The following DST variants were observed in gnomAD, a reference collection of about 807,000 sequenced individuals.
DST encodes bullous pemphigoid antigen.
In DST, 253 loss-of-function variants were observed where a neutral mutation model predicts 875.2. The ratio of observed to expected loss-of-function variants is 0.29; its 90% CI spans 0.26 to 0.32. The LOEUF (loss-of-function observed/expected upper bound fraction) is 0.32, where lower values mean the gene tolerates loss of function less well. Ranked by LOEUF, DST falls within the 10% of genes least tolerant of loss-of-function variation. The probability of loss-of-function intolerance (pLI) is 1.00; values close to 1 mark genes in which losing one functional copy is unlikely to be tolerated. For synonymous variants in DST, 3,124 were observed against 3,197.1 expected (o/e 0.98, Z 0.77); for missense variants, 8,287 against 9,111.6 (o/e 0.91, Z 3.68).
chr6:56,769,298 G>A (rs972643015), intron 4 of DST, among the ~76,000 whole-genome samples: 1 of 152,142 alleles, frequency 6.6e-6, no homozygotes, highest in East Asian at 1.9e-4. Context: ...AACACCAGAC[G>A]CTGGCAAGGA....
intron 3 of DST, among the ~76,000 whole-genome samples, chr6:56,882,290 C>T (rs565311064): frequency 6.6e-6 from 1 of 152,226 alleles, no homozygotes; most frequent in Non-Finnish European, 1.5e-5. Flanking sequence ...TGTAAGGACC[C>T]CATTGCTTCT....
rs878939937 is a variant in DST, at chr6:56,642,058, G to C, written c.1916C>G (p.Ala639Gly). 6.2e-7 allele frequency: 1 copy of C among 1,612,582 alleles called. No homozygotes were observed. The highest frequency in any genetic ancestry group is 1.1e-5 in the South Asian group (1 of 91,036). Reference sequence around the variant, plus strand: ...TTCAAGTATATACCCAGCAATTTCTGCTTCATTCTGAAACTGCACTCCTGA... The same window carrying C: ...TTCAAGTATATACCCAGCAATTTCTCCTTCATTCTGAAACTGCACTCCTGA... ...LESGVQFQNE[A>G]EIAGYILECE... The change falls in exon 17 of 104, where the codon GCA becomes GGA. Residue 639 changes from alanine (A) to glycine (G), a missense_variant. Ala to Gly is a moderately conservative substitution (Grantham distance 60). This residue lies in a region of DST where 1,160 missense variants were observed against 1,424.3 expected (regional missense o/e 0.81). Coordinates refer to ENST00000680361, the MANE Select transcript of DST (RefSeq NM_001374736.1).
chr6:56,925,430 C>A (rs1490340951), intron 2 of DST, among the ~76,000 whole-genome samples: 1 of 152,220 alleles, frequency 6.6e-6, no homozygotes, highest in Non-Finnish European at 1.5e-5. Flanking sequence ...AGTTAAAGCA[C>A]ACTCTGCCCC....
At position 56,639,602 on chromosome 6, in the gene DST, T is replaced by C. The variant is rs371987769; in HGVS notation, c.2707A>G (p.Arg903Gly). ...SQYAKLLNTS[R>G]NQERHLDTLH... ...GTATCAAGGTGCCGTTCTTGATTCC[T>C]GGATGTATTCTTTAGTAAGGAAAAT... is the stretch of plus-strand genomic sequence containing the variant. The change falls in exon 21 of 104, where the codon AGG becomes GGG. Residue 903 changes from arginine (R) to glycine (G), a missense_variant. Arg to Gly is a moderately radical substitution (Grantham distance 125). Transcript: ENST00000680361. 1.2e-6 allele frequency: 2 copies of C among 1,613,774 alleles called. No individual in the cohort carries two copies. The highest frequency in any genetic ancestry group is 1.7e-6 in the Non-Finnish European group (2 of 1,179,894).
At chr6:56,932,293 G>A (rs1244981222) in intron 2 of DST, among the ~76,000 whole-genome samples, 4 of 152,038 alleles carry the variant, frequency 2.6e-5, no homozygotes, top group East Asian at 3.8e-4. Flanking sequence ...TTTGCTTCCC[G>A]CCATGATTCT....
intron 4 of DST, among the ~76,000 whole-genome samples, chr6:56,800,194 G>T (rs766995954): frequency 6.6e-6 from 1 of 152,118 alleles, no homozygotes; most frequent in Non-Finnish European, 1.5e-5. Context: ...AAGGGAAGAA[G>T]GGGAACTGAA....
At chr6:56,468,917 T>C in intron 98 of DST, 65 bp downstream of exon 98, 1 of 1,351,080 alleles carries the variant, frequency 7.4e-7, no homozygotes, top group Admixed American at 2.1e-5. Context: ...CAAGCTTTAA[T>C]GACTATGAAT....
At chr6:56,598,433 CT>C in intron 46 of DST, 42 bp downstream of exon 46, 1 of 1,213,962 alleles carries the variant, frequency 8.2e-7, no homozygotes. Flanking sequence ...AGCTGTTAAG[CT>C]TTTTGACATA....
In DST at chr6:56,894,968, G is replaced by A. The variant is rs1487717561; in HGVS notation, c.417+5453C>T. Among the ~76,000 whole-genome samples, 3 of 102,262 alleles carry A rather than the reference G, an allele frequency of 2.9e-5. 1 individual carries two copies. Among genetic ancestry groups the A allele is most frequent in the African/African-American group, 1.0e-4 (2 of 19,146 alleles). The allele number at this position is 102,262 out of a possible 152,430, so 67.1% of individuals were successfully genotyped here. On this transcript the variant is annotated intron_variant, in intron 3 of 103. Coordinates refer to ENST00000680361, the MANE Select transcript of DST (RefSeq NM_001374736.1). ...CCCTCACCTCCCGGACGGGGCGGCT[G>A]GCCAGGCGGGGGGCTGACCCCCCTA...
At chr6:56,725,761 T>C (rs943162117) in intron 5 of DST, among the ~76,000 whole-genome samples, 2 of 152,248 alleles carry the variant, frequency 1.3e-5, no homozygotes, top group East Asian at 3.9e-4. Flanking sequence ...TGTAACAAGT[T>C]TCACCCATTT....
intron 13 of DST, among the ~76,000 whole-genome samples, chr6:56,647,610 G>A (rs2098950732): frequency 6.6e-6 from 1 of 151,792 alleles, no homozygotes; most frequent in Admixed American, 6.6e-5. Context: ...AGACCACTTT[G>A]CTATTATAAA....
intron 4 of DST, among the ~76,000 whole-genome samples, chr6:56,814,158 T>C (rs1158540999): frequency 1.3e-5 from 2 of 152,132 alleles, no homozygotes; most frequent in Non-Finnish European, 2.9e-5. Context: ...ATTTATTATA[T>C]AAACAAATAT....
chr6:56,480,083 G>C (rs2095349708), intron 90 of DST, among the ~76,000 whole-genome samples: 1 of 152,090 alleles, frequency 6.6e-6, no homozygotes, highest in African/African-American at 2.4e-5. Context: ...ATTCATTTTT[G>C]TGTTCCCGGT....
intron 10 of DST, among the ~76,000 whole-genome samples, chr6:56,654,681 G>GGAT (rs1176523538): frequency 6.7e-6 from 1 of 150,174 alleles, no homozygotes; most frequent in Non-Finnish European, 1.5e-5. Flanking sequence ...TATAGTATAA[G>GGAT]GATATCACCA....
At chr6:56,889,682 T>C (rs927547463) in intron 3 of DST, among the ~76,000 whole-genome samples, 2 of 152,182 alleles carry the variant, frequency 1.3e-5, no homozygotes, top group African/African-American at 4.8e-5. Flanking sequence ...GTCAGTATGT[T>C]TGATTATTTC....
chr6:56,918,262 G>C (rs901788617), intron 2 of DST, among the ~76,000 whole-genome samples: 5 of 151,840 alleles, frequency 3.3e-5, no homozygotes, highest in African/African-American at 1.2e-4. Flanking sequence ...GAGTAGTTAG[G>C]ATAACAGGCA....
Position 56,492,442 on chromosome 6 carries a change from G to C in DST, c.20551-9C>G, listed in dbSNP as rs759232028. 6.3e-7 allele frequency: 1 copy of C among 1,597,080 alleles called. No homozygotes were observed. Among genetic ancestry groups the C allele is most frequent in the Non-Finnish European group, 8.5e-7 (1 of 1,174,438 alleles). On this transcript the variant is annotated splice_polypyrimidine_tract_variant and intron_variant, in intron 84 of 103. Transcript: ENST00000680361. ...ACTTCATTGGCAAAAACCTTTCCCAGAAAAAAAGGAAATAAGTAGAAACAA... is the reference window on the plus strand; with the variant it reads ...ACTTCATTGGCAAAAACCTTTCCCACAAAAAAAGGAAATAAGTAGAAACAA...
intron 99 of DST, among the ~76,000 whole-genome samples, 154 bp from the exon 100 acceptor site, chr6:56,464,910 A>T (rs1252232966): frequency 6.6e-6 from 1 of 152,208 alleles, no homozygotes; most frequent in Non-Finnish European, 1.5e-5. Flanking sequence ...GAAGCACTCA[A>T]GGGATTGGCT....
intron 4 of DST, among the ~76,000 whole-genome samples, chr6:56,831,467 A>G (rs1024542414): frequency 1.1e-4 from 16 of 152,130 alleles, no homozygotes; most frequent in Non-Finnish European, 2.1e-4. Flanking sequence ...CATAACACAA[A>G]GCCTCTCCCT....
Sources: allele counts gnomAD v4.1 joint callset (sites outside exome capture counted in the v4.1 genomes callset), GRCh38; gene constraint gnomAD v4.1.1; regional missense constraint gnomAD v4.1.1; transcripts MANE v1.5; gene names NCBI Gene and HGNC (gene_info 2026-07-23, HGNC 2026-07-21).